The following CCDC138 variants were observed in gnomAD, a reference collection of about 807,000 sequenced individuals.
The protein encoded by CCDC138 is coiled-coil domain-containing protein 138.
A neutral mutation model predicts 82.3 loss-of-function variants in CCDC138; 66 were observed. The observed-to-expected ratio is 0.80, with a 90% CI of 0.66 to 0.98. The LOEUF is 0.98. Ranked by LOEUF, CCDC138 falls within the 50% of genes least tolerant of loss-of-function variation. CCDC138 has a pLI of 0.00. For missense variants in CCDC138, 816 were observed against 758.9 expected, an observed-to-expected ratio of 1.08 and a Z score of -0.88; for synonymous variants, 297 against 265.4, an observed-to-expected ratio of 1.12 and a Z score of -1.16.
rs148030138 is a variant in CCDC138 at position 108,862,480 on chromosome 2, T to C, written c.1693+5510T>C. Among the ~76,000 whole-genome samples, 4 of 152,294 alleles carry C rather than the reference T, an allele frequency of 2.6e-5. No homozygotes were observed. The East Asian group carries it at 7.7e-4, about 29-fold the overall frequency. ...TTTCAGATTAGGGATGCTCAACCTG[T>C]ATAATGTGGTGATTACAGTTAATAA... On this transcript the variant is annotated intron_variant, in intron 13 of 14. Coordinates refer to ENST00000295124, the MANE Select transcript of CCDC138 (RefSeq NM_144978.3).
At chr2:108,881,674 A>G (rs1348544091) in intron 1 of CCDC138, among the ~76,000 whole-genome samples, 1 of 152,192 alleles carries the variant, frequency 6.6e-6, no homozygotes, top group Non-Finnish European at 1.5e-5. Context: ...TAAGGTTATT[A>G]ATTGGCCTAA....
chr2:108,805,471 A>G (rs1204543957), intron 7 of CCDC138, among the ~76,000 whole-genome samples: 1 of 152,138 alleles, frequency 6.6e-6, no homozygotes, highest in Non-Finnish European at 1.5e-5. Context: ...CACGCCTGTA[A>G]TCCCAGCACT....
intron 13 of CCDC138, among the ~76,000 whole-genome samples, chr2:108,862,092 A>G (rs201849184): frequency 3.2e-4 from 29 of 90,438 alleles, no homozygotes; most frequent in Non-Finnish European, 4.5e-4. Flanking sequence ...TTTTTTTTTT[A>G]TTTGTTGAGA....
At chr2:108,793,434 A>T (rs1680282436) in intron 4 of CCDC138, among the ~76,000 whole-genome samples, 1 of 152,196 alleles carries the variant, frequency 6.6e-6, no homozygotes, top group Non-Finnish European at 1.5e-5. Flanking sequence ...GCTGGCAAGG[A>T]TATCAAGCAA....
chr2:108,788,969 A>G lies in CCDC138; in HGVS notation c.266+3A>G, dbSNP rs752138723. On this transcript the variant is annotated splice_donor_region_variant and intron_variant, in intron 3 of 14. Coordinates refer to ENST00000295124, the MANE Select transcript of CCDC138 (RefSeq NM_144978.3). ...TTCAAGCACGTAAATGTGAATTGGT[A>G]AAGTACCCTGAAACTTTACTGTTGC... The G allele has an allele frequency of 1.4e-5, 22 of 1,613,746 alleles. No homozygotes were observed. The highest frequency in any genetic ancestry group is 1.2e-5 in the Non-Finnish European group (14 of 1,179,910).
At chr2:108,796,620 C>A (rs1680956313) in intron 5 of CCDC138, among the ~76,000 whole-genome samples, 1 of 152,062 alleles carries the variant, frequency 6.6e-6, no homozygotes, top group Non-Finnish European at 1.5e-5. Context: ...TATCTATACA[C>A]AATGGAATAT....
Position 108,798,502 on chromosome 2 carries a change from A to G in CCDC138, c.651A>G (p.Gln217=). The G allele has an allele frequency of 1.2e-6, 2 of 1,613,986 alleles. No individual in the cohort carries two copies. The highest frequency in any genetic ancestry group is 1.7e-6 in the Non-Finnish European group (2 of 1,179,918). ...KRERFLLERE[Q]LLFRHENALS... ...AACGTTTTTTACTTGAAAGAGAACA[A>G]CTGCTTTTCAGACATGAAAATGCCT... The change falls in exon 6 of 15, where the codon CAA becomes CAG. Residue 217 remains glutamine (Q), a synonymous_variant. Coordinates refer to ENST00000295124, the MANE Select transcript of CCDC138 (RefSeq NM_144978.3).
chr2:108,824,701 A>G (rs1449314739), intron 10 of CCDC138, among the ~76,000 whole-genome samples: 1 of 152,250 alleles, frequency 6.6e-6, no homozygotes, highest in Non-Finnish European at 1.5e-5. Flanking sequence ...ATCTTTATCA[A>G]GTAGTATGTA....
At position 108,843,882 on chromosome 2, in the gene CCDC138, C is replaced by CT. The variant is rs1689976564; in HGVS notation, c.1324-2853dup. Among the ~76,000 whole-genome samples the CT allele has an allele frequency of 3.0e-4, 14 of 46,290 alleles. 2 individuals are homozygous for CT. The highest frequency in any genetic ancestry group is 8.5e-4 in the South Asian group (1 of 1,170). The allele number at this position is 46,290 out of a possible 152,430, so 30.4% of individuals were successfully genotyped here. ...TGTGTGTGTGTGTGTGTGTGTGTTT[C>CT]TTTCTTTTTTTTTTTTTTTTTTTTT... On this transcript the variant is annotated intron_variant, in intron 11 of 14. Transcript: ENST00000295124.
At chr2:108,865,436 A>G (rs1694271700) in intron 13 of CCDC138, among the ~76,000 whole-genome samples, 1 of 152,096 alleles carries the variant, frequency 6.6e-6, no homozygotes, top group African/African-American at 2.4e-5. Context: ...TCTTTTGGGG[A>G]AAATATTTCC....
chr2:108,824,336 GT>G (rs1686211126), intron 10 of CCDC138, among the ~76,000 whole-genome samples: 1 of 151,838 alleles, frequency 6.6e-6, no homozygotes, highest in Admixed American at 6.6e-5. Context: ...TATCCTGTAA[GT>G]TTTTTTCTAT....
At chr2:108,865,986 G>A (rs1423169734) in intron 13 of CCDC138, among the ~76,000 whole-genome samples, 1 of 152,190 alleles carries the variant, frequency 6.6e-6, no homozygotes, top group Non-Finnish European at 1.5e-5. Context: ...TTCCTGGGGA[G>A]AAGCTAGGAG....
chr2:108,800,049 CTA>C (rs1165429499), intron 6 of CCDC138, among the ~76,000 whole-genome samples: 1 of 152,070 alleles, frequency 6.6e-6, no homozygotes, highest in Non-Finnish European at 1.5e-5. Context: ...AGTTTAAAAA[CTA>C]TGTATCACCT....
At chr2:108,805,631 G>C (rs762620271) in intron 7 of CCDC138, among the ~76,000 whole-genome samples, 2 of 152,084 alleles carry the variant, frequency 1.3e-5, no homozygotes, top group Non-Finnish European at 2.9e-5. Flanking sequence ...GGAGGCTGAG[G>C]CAGGAGAATG....
intron 13 of CCDC138, among the ~76,000 whole-genome samples, chr2:108,861,770 C>G (rs1036908479): frequency 1.3e-5 from 2 of 152,132 alleles, no homozygotes; most frequent in Non-Finnish European, 2.9e-5. Flanking sequence ...CGTGAGCCAC[C>G]GCGCCCGGCC....
At chr2:108,835,407 C>G (rs1406996639) in intron 10 of CCDC138, among the ~76,000 whole-genome samples, 2 of 152,022 alleles carry the variant, frequency 1.3e-5, no homozygotes, top group Non-Finnish European at 1.5e-5. Flanking sequence ...GGATATTAAT[C>G]CTCTATTTCT....
intron 4 of CCDC138, among the ~76,000 whole-genome samples, chr2:108,792,830 C>G (rs1049903071): frequency 6.9e-6 from 1 of 145,614 alleles, no homozygotes. Context: ...TTTGGGAGGC[C>G]GAGGCGGGTG....
chr2:108,871,130 TAG>T lies in CCDC138; in HGVS notation c.1694-2319_1694-2318del, dbSNP rs1695171853. Among the ~76,000 whole-genome samples the T allele has an allele frequency of 1.3e-5, 2 of 152,024 alleles. 1 individual carries two copies. Among genetic ancestry groups the T allele is most frequent in the South Asian group, 4.1e-4 (2 of 4,828 alleles). On this transcript the variant is annotated intron_variant, in intron 13 of 14. Transcript: ENST00000295124. ...TCACATGAAAAGATGGATGAATGGATAGATAGAAGGAAATACTTTTACAGAAA... is the reference window on the plus strand; with the variant it reads ...TCACATGAAAAGATGGATGAATGGATATAGAAGGAAATACTTTTACAGAAA...
In CCDC138 at chr2:108,811,247, C is replaced by CTCTTTTTTTTTTTTTTTTTTTTTTT. The variant is rs760937756; in HGVS notation, c.856-1383_856-1382insCTTTTTTTTTTTTTTTTTTTTTTTT. Among the ~76,000 whole-genome samples the CTCTTTTTTTTTTTTTTTTTTTTTTT allele has an allele frequency of 2.0e-4, 23 of 113,888 alleles. 1 individual carries two copies. The highest frequency in any genetic ancestry group is 8.4e-4 in the African/African-American group (22 of 26,260). The allele number at this position is 113,888 out of a possible 152,430, so 74.7% of individuals were successfully genotyped here. ...CTCCCTTTTCTTTCTTTCTCTCTCT[C>CTCTTTTTTTTTTTTTTTTTTTTTTT]TTTTTTTTTTTTTTTGACTGTCTCC... On this transcript the variant is annotated intron_variant, in intron 7 of 14. Transcript: ENST00000295124.
Sources: gnomAD v4.1 joint callset for allele counts (sites outside exome capture counted in the v4.1 genomes callset) on GRCh38, gnomAD v4.1.1 for gene constraint, MANE v1.5 for transcripts, NCBI Gene and HGNC (gene_info 2026-07-23, HGNC 2026-07-21) for gene names.